Variants in CAMKMT observed in about 807,000 individuals in gnomAD.
CAMKMT encodes the protein calmodulin-lysine N-methyltransferase.
CAMKMT carries 53 observed loss-of-function variants against 48.0 expected under a neutral mutation model. That is an observed-to-expected ratio of 1.10 (90% confidence interval 0.89 to 1.39). CAMKMT has a LOEUF of 1.39. CAMKMT is among the 40% of genes most tolerant of loss of function. CAMKMT has a pLI of 0.00. For synonymous variants in CAMKMT, 165 were observed against 152.3 expected (o/e 1.08, Z -0.61); for missense variants, 428 against 402.7 (o/e 1.06, Z -0.54).
chr2:44,586,227 T>C (rs1393653586), intron 3 of CAMKMT, among the ~76,000 whole-genome samples: 1 of 152,176 alleles, frequency 6.6e-6, no homozygotes, highest in Admixed American at 6.5e-5. Context: ...ATCACTTGGA[T>C]AGAATTTTTT....
chr2:44,752,759 GAGA>G (rs989122817), intron 8 of CAMKMT, among the ~76,000 whole-genome samples: 1 of 152,156 alleles, frequency 6.6e-6, no homozygotes, highest in Non-Finnish European at 1.5e-5. Context: ...GCATCCTCTG[GAGA>G]AGAAGAACAC....
Position 44,600,837 on chromosome 2 carries a change from A to G in CAMKMT, c.377-103446A>G, listed in dbSNP as rs1013285217. The stretch of plus-strand genomic sequence containing the variant: ...ATGTTTTCCCTTTCTTTTCTATCAG[A>G]TGGAGATTAAAACTACTACAATTAT... On this transcript the variant is annotated intron_variant, in intron 3 of 10. Coordinates refer to ENST00000378494, the MANE Select transcript of CAMKMT (RefSeq NM_024766.5). Among the ~76,000 whole-genome samples the G allele has an allele frequency of 2.0e-5, 3 of 152,244 alleles. No individual in the cohort carries two copies. In the East Asian group the frequency reaches 5.8e-4, roughly 29 times the overall value.
intron 7 of CAMKMT, among the ~76,000 whole-genome samples, chr2:44,733,566 C>A (rs544286715): frequency 9.9e-5 from 15 of 152,126 alleles, no homozygotes; most frequent in Non-Finnish European, 1.8e-4. Context: ...ATGATGTTAA[C>A]TATAGGTTTT....
intron 3 of CAMKMT, among the ~76,000 whole-genome samples, chr2:44,541,835 A>G (rs947920307): frequency 7.9e-4 from 120 of 152,118 alleles, no homozygotes; most frequent in African/African-American, 2.8e-3. Flanking sequence ...AAAGCTGTAA[A>G]AACAGCCATA....
chr2:44,749,003 T>C (rs754392935), intron 8 of CAMKMT, among the ~76,000 whole-genome samples: 5 of 152,232 alleles, frequency 3.3e-5, no homozygotes, highest in African/African-American at 7.2e-5. Flanking sequence ...ACATACATTC[T>C]GTGCTCCAAG....
At chr2:44,604,769 T>G (rs1671193305) in intron 3 of CAMKMT, among the ~76,000 whole-genome samples, 1 of 151,950 alleles carries the variant, frequency 6.6e-6, no homozygotes, top group Non-Finnish European at 1.5e-5. Flanking sequence ...ATACTAAAGG[T>G]TTTTGCTTTT....
chr2:44,576,327 TAAAAAAAAAAA>T (rs569571059), intron 3 of CAMKMT, among the ~76,000 whole-genome samples: 2 of 76,698 alleles, frequency 2.6e-5, no homozygotes, highest in Non-Finnish European at 5.6e-5. Context: ...AAACTCTGTC[TAAAAAAAAAAA>T]AAAAAAAAGA....
chr2:44,768,766 G>A (rs1680973823), intron 10 of CAMKMT, among the ~76,000 whole-genome samples: 1 of 152,168 alleles, frequency 6.6e-6, no homozygotes, highest in Admixed American at 6.5e-5. Flanking sequence ...TTTCCATCTT[G>A]AGCGGCAATC....
chr2:44,478,926 C>T (rs1433875201), intron 3 of CAMKMT, among the ~76,000 whole-genome samples: 2 of 152,140 alleles, frequency 1.3e-5, no homozygotes, highest in Admixed American at 1.3e-4. Flanking sequence ...GTCTCGATCT[C>T]CTGACCTCGT....
chr2:44,579,840 CAA>C (rs1387972171), intron 3 of CAMKMT, among the ~76,000 whole-genome samples: 2 of 152,168 alleles, frequency 1.3e-5, no homozygotes, highest in African/African-American at 4.8e-5. Context: ...GTGTGTTGCA[CAA>C]ATCGAAAGTC....
intron 3 of CAMKMT, among the ~76,000 whole-genome samples, chr2:44,545,332 A>G (rs2103627958): frequency 6.6e-6 from 1 of 152,356 alleles, no homozygotes; most frequent in African/African-American, 2.4e-5. Flanking sequence ...CATAAAACTT[A>G]GTAAACCTTT....
chr2:44,429,807 C>CAAAA (rs1168195679), intron 3 of CAMKMT, among the ~76,000 whole-genome samples: 16 of 64,678 alleles, frequency 2.5e-4, no homozygotes, highest in Admixed American at 1.4e-3. Flanking sequence ...GACTCCGTCT[C>CAAAA]AAAAAAAAAA....
At chr2:44,549,490 G>A (rs2103643880) in intron 3 of CAMKMT, 1 of 690,382 alleles carries the variant, frequency 1.4e-6, no homozygotes, top group Non-Finnish European at 2.6e-6. Flanking sequence ...GTCTTGAACT[G>A]AAAACCACAA....
chr2:44,706,358 T>C lies in CAMKMT; in HGVS notation c.492+17T>C, dbSNP rs774595045. ...GGGCTCATGGTAGGTCTTTTCTCCATTCCAATCCCATTCAGAGGGAGGAAC... is the reference window on the plus strand; with the variant it reads ...GGGCTCATGGTAGGTCTTTTCTCCACTCCAATCCCATTCAGAGGGAGGAAC... On this transcript the variant is annotated intron_variant, in intron 5 of 10. Coordinates refer to ENST00000378494, the MANE Select transcript of CAMKMT (RefSeq NM_024766.5). The C allele has an allele frequency of 6.2e-7, 1 of 1,612,758 alleles. No homozygotes were observed.
intron 3 of CAMKMT, among the ~76,000 whole-genome samples, chr2:44,428,043 A>G (rs1684396298): frequency 6.6e-6 from 1 of 152,170 alleles, no homozygotes; most frequent in Non-Finnish European, 1.5e-5. Flanking sequence ...GTTACAAACA[A>G]TGCTCTTTTA....
At chr2:44,768,361 A>ATATATATATATATATATATTTTT (rs35058824) in intron 10 of CAMKMT, among the ~76,000 whole-genome samples, 2 of 115,726 alleles carry the variant, frequency 1.7e-5, no homozygotes, top group African/African-American at 7.4e-5. Context: ...ATATATATAT[A>ATATATATATATATATATATTTTT]TTTTTTTTTT....
chr2:44,641,837 C>T (rs1673467965), intron 3 of CAMKMT, among the ~76,000 whole-genome samples: 1 of 152,166 alleles, frequency 6.6e-6, no homozygotes, highest in Non-Finnish European at 1.5e-5. Context: ...GGATTATAGG[C>T]GTGAGCCACC....
intron 3 of CAMKMT, among the ~76,000 whole-genome samples, chr2:44,664,376 A>G (rs1373868889): frequency 6.6e-6 from 1 of 152,242 alleles, no homozygotes; most frequent in Non-Finnish European, 1.5e-5. Context: ...TGTTAAATTT[A>G]ACAAATGTTA....
chr2:44,705,441 G>A (rs545865742), intron 4 of CAMKMT: 17 of 985,222 alleles, frequency 1.7e-5, no homozygotes, highest in South Asian at 9.4e-5. Flanking sequence ...TGTTCATCTC[G>A]CTGTGCTTAA....
Sources: gnomAD v4.1 joint callset for allele counts (sites outside exome capture counted in the v4.1 genomes callset) on GRCh38, gnomAD v4.1.1 for gene constraint, MANE v1.5 for transcripts, NCBI Gene and HGNC (gene_info 2026-07-23, HGNC 2026-07-21) for gene names.